The following LINGO2 variants were observed in gnomAD, a reference collection of about 807,000 sequenced individuals.
LINGO2 encodes the protein leucine rich repeat and Ig domain containing 2.
In LINGO2, 14 loss-of-function variants were observed where a neutral mutation model predicts 30.6. The ratio of observed to expected loss-of-function variants is 0.46; its 90% CI spans 0.30 to 0.72. The LOEUF is 0.72. Among genes scored for constraint, LINGO2 ranks in the 30% least tolerant of loss-of-function variants. The pLI is 0.07. For missense variants in LINGO2, 729 were observed against 751.7 expected (o/e 0.97, Z 0.35); for synonymous variants, 317 against 288.5 (o/e 1.10, Z -1.00).
intron 4 of LINGO2, among the ~76,000 whole-genome samples, chr9:28,085,314 G>T (rs1365748088): frequency 6.6e-6 from 1 of 152,038 alleles, no homozygotes; most frequent in Non-Finnish European, 1.5e-5. Flanking sequence ...GAGAAGAGGG[G>T]CCCTTCCACC....
intron 2 of LINGO2, among the ~76,000 whole-genome samples, chr9:28,449,207 G>A (rs556553303): frequency 4.3e-4 from 66 of 152,102 alleles, no homozygotes; most frequent in African/African-American, 1.6e-3. Flanking sequence ...GTTGGATTTT[G>A]CACTAGCTGT....
chr9:28,222,671 T>C (rs1272879958), intron 4 of LINGO2, among the ~76,000 whole-genome samples: 1 of 152,210 alleles, frequency 6.6e-6, no homozygotes, highest in Admixed American at 6.5e-5. Context: ...TAATAACTAT[T>C]TGGATGATTC....
chr9:28,018,847 G>A (rs905494648), intron 4 of LINGO2, among the ~76,000 whole-genome samples: 3 of 151,998 alleles, frequency 2.0e-5, no homozygotes, highest in Admixed American at 6.6e-5. Flanking sequence ...GGGTATATAC[G>A]CAAAGAAATA....
intron 4 of LINGO2, among the ~76,000 whole-genome samples, chr9:28,249,368 G>A (rs1822114216): frequency 6.6e-6 from 1 of 152,084 alleles, no homozygotes; most frequent in South Asian, 2.1e-4. Context: ...GTTTGGATCA[G>A]CATATTAATC....
At chr9:28,169,271 A>T (rs1274711808) in intron 4 of LINGO2, among the ~76,000 whole-genome samples, 1 of 152,230 alleles carries the variant, frequency 6.6e-6, no homozygotes, top group Non-Finnish European at 1.5e-5. Context: ...TCATATACTG[A>T]CTTTGTTTTT....
intron 4 of LINGO2, among the ~76,000 whole-genome samples, chr9:28,038,468 C>T (rs911668059): frequency 4.6e-5 from 7 of 151,978 alleles, no homozygotes; most frequent in South Asian, 4.1e-4. Context: ...CCGAGGCGGG[C>T]GGATCACGAG....
At chr9:28,078,473 A>G (rs1825686887) in intron 4 of LINGO2, among the ~76,000 whole-genome samples, 1 of 148,798 alleles carries the variant, frequency 6.7e-6, no homozygotes, top group African/African-American at 2.6e-5. Context: ...GAGCACATGG[A>G]AAAAGAATAG....
At chr9:28,866,516 G>C in the LINGO2 span, among the ~76,000 whole-genome samples, 15 of 152,022 alleles carry the variant, frequency 9.9e-5, no homozygotes, top group Non-Finnish European at 2.2e-4. Context: ...TGCTATGAAA[G>C]GAATATTTTC....
At chr9:28,184,564 G>T (rs1819474852) in intron 4 of LINGO2, among the ~76,000 whole-genome samples, 1 of 150,926 alleles carries the variant, frequency 6.6e-6, no homozygotes, top group Non-Finnish European at 1.5e-5. Context: ...ATGTAAAGGG[G>T]GAGGAAGGAG....
intron 1 of LINGO2, among the ~76,000 whole-genome samples, chr9:28,487,120 T>C (rs954430710): frequency 6.6e-6 from 1 of 152,154 alleles, no homozygotes; most frequent in Non-Finnish European, 1.5e-5. Flanking sequence ...AGTTCCTCAC[T>C]AATCTAACAG....
intron 4 of LINGO2, among the ~76,000 whole-genome samples, chr9:28,192,820 T>C (rs1406183704): frequency 2.0e-5 from 3 of 152,156 alleles, no homozygotes; most frequent in Non-Finnish European, 2.9e-5. Context: ...ATATTTGATG[T>C]AGGTGTTAGG....
At chr9:28,206,084 G>C (rs1370375294) in intron 4 of LINGO2, among the ~76,000 whole-genome samples, 1 of 142,630 alleles carries the variant, frequency 7.0e-6, no homozygotes, top group Non-Finnish European at 1.5e-5. Context: ...AGAATTGCTT[G>C]AACCCAGGAG....
At chr9:28,936,225 T>C in the LINGO2 span, among the ~76,000 whole-genome samples, 1 of 152,176 alleles carries the variant, frequency 6.6e-6, no homozygotes, top group East Asian at 1.9e-4. Context: ...AATCTTATGA[T>C]CATATCTTTT....
the LINGO2 span, among the ~76,000 whole-genome samples, chr9:28,779,750 A>G: frequency 6.6e-6 from 1 of 152,110 alleles, no homozygotes; most frequent in Non-Finnish European, 1.5e-5. Flanking sequence ...TCTAATGTAC[A>G]TGTTATTTTC....
In LINGO2 at chr9:27,994,105, T is replaced by A. The variant is rs77003126; in HGVS notation, c.-36+18250A>T. Among the ~76,000 whole-genome samples, 189 of 151,992 alleles carry A rather than the reference T, an allele frequency of 1.2e-3. 9 individuals are homozygous for A. In the East Asian group the frequency reaches 0.034, roughly 27 times the overall value. The stretch of plus-strand genomic sequence containing the variant: ...AAACTTAAAAATTTCTTGAGACACA[T>A]TAAAATGGAAACAACATACTAAAAC... On this transcript the variant is annotated intron_variant, in intron 5 of 5. Coordinates refer to ENST00000379992, the Ensembl canonical transcript of LINGO2.
the LINGO2 span, among the ~76,000 whole-genome samples, chr9:28,937,140 T>C: frequency 6.6e-6 from 1 of 152,138 alleles, no homozygotes; most frequent in African/African-American, 2.4e-5. Context: ...GGGACCATAA[T>C]CTACCCTCTG....
chr9:28,142,953 C>T (rs1827715178), intron 4 of LINGO2, among the ~76,000 whole-genome samples: 2 of 152,086 alleles, frequency 1.3e-5, no homozygotes, highest in African/African-American at 4.8e-5. Context: ...CTATGCTGGT[C>T]TATGGGGAGT....
chr9:28,806,984 CAT>C, the LINGO2 span, among the ~76,000 whole-genome samples: 12 of 151,340 alleles, frequency 7.9e-5, no homozygotes, highest in African/African-American at 2.7e-4. Flanking sequence ...TAGGAGGTCT[CAT>C]GTGAAAAACA....
chr9:27,963,680 T>A (rs1368245137), intron 5 of LINGO2, among the ~76,000 whole-genome samples: 2 of 149,974 alleles, frequency 1.3e-5, no homozygotes, highest in African/African-American at 4.9e-5. Flanking sequence ...TTTTTTGAAG[T>A]CAGTAAAGCT....
Sources: allele counts gnomAD v4.1 joint callset (sites outside exome capture counted in the v4.1 genomes callset), GRCh38; gene constraint gnomAD v4.1.1; transcripts MANE v1.5; gene names NCBI Gene and HGNC (gene_info 2026-07-23, HGNC 2026-07-21).